NEGR1: variants seen among roughly 807,000 people sequenced by gnomAD.
The protein encoded by NEGR1 is IgLON family member 4.
Under a neutral mutation model 40.9 loss-of-function variants are expected in NEGR1, and 10 were observed. The ratio of observed to expected loss-of-function variants is 0.24; its 90% CI spans 0.15 to 0.42. The LOEUF (loss-of-function observed/expected upper bound fraction) is 0.42, where lower values mean the gene tolerates loss of function less well. Ranked by LOEUF, NEGR1 falls within the 10% of genes least tolerant of loss-of-function variation. The pLI is 1.00. For missense variants in NEGR1, 352 were observed against 438.9 expected, an observed-to-expected ratio of 0.80 and a Z score of 1.77; for synonymous variants, 185 against 166.8, an observed-to-expected ratio of 1.11 and a Z score of -0.84.
chr1:71,663,193 G>A (rs888919630), intron 4 of NEGR1, among the ~76,000 whole-genome samples: 4 of 151,794 alleles, frequency 2.6e-5, no homozygotes, highest in Middle Eastern at 6.3e-3. Context: ...TCCTGACCTC[G>A]TGAGCTGCCT....
At chr1:71,564,810 A>C (rs1648566086) in intron 6 of NEGR1, among the ~76,000 whole-genome samples, 1 of 152,074 alleles carries the variant, frequency 6.6e-6, no homozygotes, top group Admixed American at 6.5e-5. Flanking sequence ...ATAATCATTG[A>C]CTCAGCTATA....
At chr1:72,041,391 A>C (rs1470039551) in intron 1 of NEGR1, among the ~76,000 whole-genome samples, 1 of 149,718 alleles carries the variant, frequency 6.7e-6, no homozygotes, top group Admixed American at 6.7e-5. Flanking sequence ...ACTTTTAAAA[A>C]TATTATTCCT....
intron 1 of NEGR1, among the ~76,000 whole-genome samples, chr1:72,172,672 A>G (rs1181993947): frequency 1.3e-5 from 2 of 152,224 alleles, no homozygotes; most frequent in Non-Finnish European, 2.9e-5. Flanking sequence ...CAACACAAAC[A>G]TTGCAGTTAT....
chr1:72,200,651 G>A (rs1010775361), intron 1 of NEGR1, among the ~76,000 whole-genome samples: 1 of 151,622 alleles, frequency 6.6e-6, no homozygotes, highest in Non-Finnish European at 1.5e-5. Context: ...AGTAAAAGTA[G>A]AAAAGAAAAG....
chr1:72,077,626 CAATAAATAAATAAATA>C (rs3080202), intron 1 of NEGR1, among the ~76,000 whole-genome samples: 5 of 146,860 alleles, frequency 3.4e-5, no homozygotes, highest in Admixed American at 6.8e-5. Flanking sequence ...TCTGTCTCTA[CAATAAATAAATAAATA>C]AATAAATAAA....
chr1:71,607,068 G>A (rs555244518), intron 5 of NEGR1, among the ~76,000 whole-genome samples: 19 of 152,238 alleles, frequency 1.2e-4, no homozygotes, highest in Middle Eastern at 6.8e-3. Context: ...GATTATTTAT[G>A]TGAGCCTCAA....
intron 2 of NEGR1, among the ~76,000 whole-genome samples, chr1:71,868,725 C>T (rs1660193406): frequency 6.6e-6 from 1 of 151,886 alleles, no homozygotes; most frequent in African/African-American, 2.4e-5. Flanking sequence ...TTCTGAAACA[C>T]ACTTCTACTC....
At chr1:72,006,675 C>A (rs1002718865) in intron 1 of NEGR1, among the ~76,000 whole-genome samples, 5 of 152,162 alleles carry the variant, frequency 3.3e-5, no homozygotes, top group South Asian at 4.1e-4. Flanking sequence ...CCAAAAAGTT[C>A]CGCTAAAAAT....
chr1:72,135,669 G>C (rs1650436407), intron 1 of NEGR1, among the ~76,000 whole-genome samples: 1 of 152,130 alleles, frequency 6.6e-6, no homozygotes, highest in Admixed American at 6.6e-5. Context: ...GAGGATCAGA[G>C]ACAACGGAAT....
chr1:72,050,951 C>T (rs1394755830), intron 1 of NEGR1, among the ~76,000 whole-genome samples: 7 of 151,488 alleles, frequency 4.6e-5, no homozygotes, highest in Non-Finnish European at 1.5e-5. Flanking sequence ...GAATCATATT[C>T]CCCAGTCCAA....
intron 1 of NEGR1, among the ~76,000 whole-genome samples, chr1:72,185,878 C>G (rs1652594925): frequency 6.6e-6 from 1 of 151,772 alleles, no homozygotes. Context: ...CACTGGTCAA[C>G]TTAAAGGCTA....
intron 2 of NEGR1, among the ~76,000 whole-genome samples, chr1:71,908,585 G>C (rs924166444): frequency 3.9e-5 from 6 of 152,004 alleles, no homozygotes; most frequent in African/African-American, 1.4e-4. Flanking sequence ...CCTCCAACTG[G>C]GACAAAAACA....
intron 1 of NEGR1, among the ~76,000 whole-genome samples, chr1:72,260,081 C>A (rs1295501608): frequency 1.3e-5 from 2 of 152,088 alleles, no homozygotes; most frequent in African/African-American, 4.8e-5. Context: ...TTCCTTTCTG[C>A]TCCTTAGAGT....
At chr1:72,182,262 G>A (rs546468991) in intron 1 of NEGR1, among the ~76,000 whole-genome samples, 2 of 152,260 alleles carry the variant, frequency 1.3e-5, no homozygotes, top group Admixed American at 1.3e-4. Flanking sequence ...GGGAGACCGA[G>A]GCAGGCGGGT....
At chr1:72,249,148 T>TA (rs1288917885) in intron 1 of NEGR1, among the ~76,000 whole-genome samples, 3 of 151,556 alleles carry the variant, frequency 2.0e-5, no homozygotes, top group Admixed American at 6.6e-5. Flanking sequence ...AGTGCCTTTA[T>TA]AAAAAAAAGG....
At chr1:71,547,720 T>C (rs1296221248) in intron 6 of NEGR1, among the ~76,000 whole-genome samples, 2 of 151,660 alleles carry the variant, frequency 1.3e-5, no homozygotes, top group Non-Finnish European at 3.0e-5. Context: ...AGAGCACTGC[T>C]TTGCCAGTTC....
intron 1 of NEGR1, among the ~76,000 whole-genome samples, chr1:72,221,153 A>G (rs1003898676): frequency 2.6e-5 from 4 of 152,102 alleles, no homozygotes; most frequent in Non-Finnish European, 5.9e-5. Context: ...GCCTACAGCT[A>G]TAACTCGGTC....
At chr1:71,824,664 TC>T in intron 2 of NEGR1, among the ~76,000 whole-genome samples, 1 of 151,934 alleles carries the variant, frequency 6.6e-6, no homozygotes, top group East Asian at 1.9e-4. Context: ...AGTGCCCCTT[TC>T]TAGTCAGTCT....
chr1:71,479,548 C>T (rs540412970), intron 6 of NEGR1, among the ~76,000 whole-genome samples: 1 of 152,030 alleles, frequency 6.6e-6, no homozygotes, highest in South Asian at 2.1e-4. Context: ...GTTATTTATT[C>T]ATTTCTATTA....
Sources: allele counts gnomAD v4.1 joint callset (sites outside exome capture counted in the v4.1 genomes callset), GRCh38; gene constraint gnomAD v4.1.1; transcripts MANE v1.5; gene names NCBI Gene and HGNC (gene_info 2026-07-23, HGNC 2026-07-21).